The following JAM2 variants were observed in gnomAD, a reference collection of about 807,000 sequenced individuals.
JAM2 encodes junctional adhesion molecule B.
Under a neutral mutation model 42.0 loss-of-function variants are expected in JAM2, and 17 were observed. The ratio of observed to expected loss-of-function variants is 0.40; its 90% CI spans 0.28 to 0.61. JAM2 has a LOEUF of 0.61. Ranked by LOEUF, JAM2 falls within the 20% of genes least tolerant of loss-of-function variation. The probability of loss-of-function intolerance (pLI) is 0.37; values close to 1 mark genes in which losing one functional copy is unlikely to be tolerated. For synonymous variants in JAM2, 118 were observed against 128.6 expected (o/e 0.92, Z 0.56); for missense variants, 319 against 358.3 (o/e 0.89, Z 0.89).
intron 3 of JAM2, chr21:25,692,396 A>T: frequency 5.0e-6 from 1 of 200,630 alleles, no homozygotes; most frequent in East Asian, 1.2e-4. Context: ...AATCACTGAC[A>T]AGGAGATTGA....
intron 7 of JAM2, among the ~76,000 whole-genome samples, chr21:25,706,457 C>G (rs553670214): frequency 7.2e-5 from 11 of 152,186 alleles, no homozygotes; most frequent in African/African-American, 2.7e-4. Flanking sequence ...GCTGGGATTA[C>G]AGGTGTGAGC....
At chr21:25,698,359 C>T (rs534941566) in intron 4 of JAM2, among the ~76,000 whole-genome samples, 1 of 152,244 alleles carries the variant, frequency 6.6e-6, no homozygotes, top group South Asian at 2.1e-4. Context: ...TACGAATGAA[C>T]ATGTGGGAGG....
At chr21:25,691,311 T>C (rs1384221015) in intron 3 of JAM2, among the ~76,000 whole-genome samples, 1 of 152,270 alleles carries the variant, frequency 6.6e-6, no homozygotes, top group Non-Finnish European at 1.5e-5. Flanking sequence ...TTTTTGTAGT[T>C]GCCATTTCTG....
At chr21:25,708,483 G>A (rs775673858) in intron 7 of JAM2, among the ~76,000 whole-genome samples, 2 of 152,170 alleles carry the variant, frequency 1.3e-5, no homozygotes, top group African/African-American at 2.4e-5. Context: ...TAGGAGGATC[G>A]CTTGAGCGCA....
At chr21:25,712,053 T>C (rs1218249491) in intron 8 of JAM2, 9 of 292,470 alleles carry the variant, frequency 3.1e-5, no homozygotes, top group Non-Finnish European at 5.2e-5. Context: ...AATTAAAAGT[T>C]AGTAAGTCTC....
rs201699419 is a variant in JAM2, at chr21:25,689,856, T to C, written c.134-10T>C. The stretch of plus-strand genomic sequence containing the variant: ...AATTAGAAAACAAGTATTTTTATTG[T>C]TGTTCCTAGAGGCTATTTTAGCCTG... On this transcript the variant is annotated splice_polypyrimidine_tract_variant and intron_variant, in intron 2 of 9. Coordinates refer to ENST00000480456, the MANE Select transcript of JAM2 (RefSeq NM_021219.4). The C allele has an allele frequency of 1.4e-4, 222 of 1,545,492 alleles. 1 individual carries two copies. Among genetic ancestry groups the C allele is most frequent in the Middle Eastern group, 6.8e-4 (4 of 5,914 alleles).
At chr21:25,695,152 G>C (rs1048643729) in intron 4 of JAM2, among the ~76,000 whole-genome samples, 3 of 152,002 alleles carry the variant, frequency 2.0e-5, no homozygotes, top group African/African-American at 7.2e-5. Flanking sequence ...TGTGTCCCTG[G>C]GTACTTGAGA....
intron 1 of JAM2, among the ~76,000 whole-genome samples, chr21:25,674,170 G>C (rs2033429021): frequency 6.6e-6 from 1 of 152,172 alleles, no homozygotes; most frequent in African/African-American, 2.4e-5. Flanking sequence ...TAGGTAGGTG[G>C]ATCACCTGAA....
intron 1 of JAM2, among the ~76,000 whole-genome samples, chr21:25,674,599 C>A (rs1224905142): frequency 6.6e-6 from 1 of 152,056 alleles, no homozygotes; most frequent in Non-Finnish European, 1.5e-5. Context: ...ACCAGGACAT[C>A]AGCCACCAGT....
At chr21:25,660,157 G>A in intron 1 of JAM2, among the ~76,000 whole-genome samples, 1 of 152,128 alleles carries the variant, frequency 6.6e-6, no homozygotes, top group East Asian at 1.9e-4. Context: ...CTGACCTCAA[G>A]TGATCCGCCC....
At chr21:25,677,980 C>T (rs907709298) in intron 1 of JAM2, among the ~76,000 whole-genome samples, 4 of 152,068 alleles carry the variant, frequency 2.6e-5, no homozygotes, top group Admixed American at 6.6e-5. Flanking sequence ...AGGCCAGGCG[C>T]GGTGGCACTT....
chr21:25,689,012 G>GT (rs1568908690), intron 2 of JAM2, among the ~76,000 whole-genome samples: 1 of 144,722 alleles, frequency 6.9e-6, no homozygotes, highest in African/African-American at 2.5e-5. Context: ...CTGGCACTGG[G>GT]TTTTTTGTTT....
At chr21:25,682,868 C>T (rs973758815) in intron 1 of JAM2, among the ~76,000 whole-genome samples, 2 of 151,940 alleles carry the variant, frequency 1.3e-5, no homozygotes, top group Non-Finnish European at 2.9e-5. Context: ...GAATACTTCT[C>T]TGACCACCCC....
At chr21:25,686,458 G>A (rs946750025) in intron 2 of JAM2, among the ~76,000 whole-genome samples, 1 of 148,256 alleles carries the variant, frequency 6.7e-6, no homozygotes, top group African/African-American at 2.5e-5. Flanking sequence ...GTGTATGTGT[G>A]TTTCACCCTA....
intron 1 of JAM2, among the ~76,000 whole-genome samples, chr21:25,675,489 C>G (rs1279698434): frequency 6.7e-6 from 1 of 149,858 alleles, no homozygotes; most frequent in Non-Finnish European, 1.5e-5. Context: ...GAGGGAAACT[C>G]TGTCTCAGAA....
chr21:25,667,222 A>T (rs886304103), intron 1 of JAM2, among the ~76,000 whole-genome samples: 6 of 152,126 alleles, frequency 3.9e-5, no homozygotes, highest in African/African-American at 1.4e-4. Flanking sequence ...GAAGCTACCC[A>T]CCTGTTAGTC....
At chr21:25,676,030 G>A (rs972254022) in intron 1 of JAM2, among the ~76,000 whole-genome samples, 4 of 152,116 alleles carry the variant, frequency 2.6e-5, no homozygotes, top group Admixed American at 2.6e-4. Flanking sequence ...GCTCACGTCT[G>A]TAATCCTACC....
chr21:25,676,255 T>G (rs555923626), intron 1 of JAM2, among the ~76,000 whole-genome samples: 170 of 120,124 alleles, frequency 1.4e-3, no homozygotes, highest in Middle Eastern at 7.7e-3. Context: ...GCCACTGCAC[T>G]CCAGCCTGGG....
intron 8 of JAM2, chr21:25,710,249 A>G (rs1186805214): frequency 6.6e-6 from 1 of 152,204 alleles, no homozygotes; most frequent in East Asian, 1.9e-4. Context: ...TTTTTATATT[A>G]ATTGAATACC....
Sources: gnomAD v4.1 joint callset for allele counts (sites outside exome capture counted in the v4.1 genomes callset) on GRCh38, gnomAD v4.1.1 for gene constraint, MANE v1.5 for transcripts, NCBI Gene and HGNC (gene_info 2026-07-23, HGNC 2026-07-21) for gene names.